The following POU6F2 variants were observed in gnomAD, a reference collection of about 807,000 sequenced individuals.
The protein encoded by POU6F2 is POU domain, class 6, transcription factor 2.
A neutral mutation model predicts 71.3 loss-of-function variants in POU6F2; 31 were observed. That is an observed-to-expected ratio of 0.43 (90% CI 0.33 to 0.59). The LOEUF is 0.59. Ranked by LOEUF, POU6F2 falls within the 20% of genes least tolerant of loss-of-function variation. The pLI, the probability that POU6F2 is intolerant of heterozygous loss-of-function variation, is 0.04. For missense variants in POU6F2, 783 were observed against 856.8 expected (o/e 0.91, Z 1.07); for synonymous variants, 347 against 355.7 (o/e 0.98, Z 0.27).
intron 4 of POU6F2, among the ~76,000 whole-genome samples, chr7:39,224,299 T>C (rs1794421780): frequency 6.6e-6 from 1 of 152,126 alleles, no homozygotes; most frequent in Non-Finnish European, 1.5e-5. Flanking sequence ...GGTAGTACTT[T>C]TCCAACTGCG....
chr7:39,137,973 C>T (rs777786597), intron 2 of POU6F2, among the ~76,000 whole-genome samples: 1 of 152,124 alleles, frequency 6.6e-6, no homozygotes, highest in African/African-American at 2.4e-5. Context: ...AATGTGAGCA[C>T]AAATCTGGTG....
intron 4 of POU6F2, among the ~76,000 whole-genome samples, chr7:39,242,476 C>T (rs148790424): frequency 1.3e-5 from 2 of 151,740 alleles, no homozygotes; most frequent in African/African-American, 4.8e-5. Context: ...TAATGTTGAC[C>T]ATTTTTCTTG....
intron 2 of POU6F2, among the ~76,000 whole-genome samples, chr7:39,108,393 C>G (rs1791737234): frequency 1.3e-5 from 2 of 151,854 alleles, no homozygotes; most frequent in African/African-American, 4.8e-5. Flanking sequence ...TACCAGGGGT[C>G]AACCCTCTTT....
At chr7:39,084,693 C>T (rs1584534479) in intron 1 of POU6F2, among the ~76,000 whole-genome samples, 1 of 152,192 alleles carries the variant, frequency 6.6e-6, no homozygotes, top group Non-Finnish European at 1.5e-5. Flanking sequence ...ATCAAATTCA[C>T]TTTTCAAGCA....
chr7:39,221,159 C>G (rs1794347448), intron 4 of POU6F2, among the ~76,000 whole-genome samples: 1 of 152,082 alleles, frequency 6.6e-6, no homozygotes, highest in Non-Finnish European at 1.5e-5. Context: ...CCTAGAGGAT[C>G]TGCCTATACA....
At chr7:39,246,756 C>T (rs1783827987) in intron 4 of POU6F2, among the ~76,000 whole-genome samples, 1 of 150,966 alleles carries the variant, frequency 6.6e-6, no homozygotes, top group African/African-American at 2.5e-5. Context: ...CTAAGAATCT[C>T]ATTCATGAAC....
intron 2 of POU6F2, among the ~76,000 whole-genome samples, chr7:39,149,967 GC>G (rs1277710526): frequency 1.3e-5 from 2 of 150,372 alleles, no homozygotes; most frequent in African/African-American, 2.5e-5. Context: ...CTCACTGCAA[GC>G]CCCGCCTCCC....
At chr7:39,345,442 AG>A (rs920980880) in intron 5 of POU6F2, among the ~76,000 whole-genome samples, 1 of 152,248 alleles carries the variant, frequency 6.6e-6, no homozygotes, top group African/African-American at 2.4e-5. Flanking sequence ...TTTGCACAGT[AG>A]AAAAACAAAT....
intron 2 of POU6F2, among the ~76,000 whole-genome samples, chr7:39,200,322 G>A (rs73367211): frequency 0.025 from 3,815 of 152,268 alleles, 156 homozygotes; most frequent in African/African-American, 0.088. Flanking sequence ...CCTCATGAGG[G>A]ATATCAACCT....
rs116151504 is a variant in POU6F2, at chr7:39,179,824, C to T, written c.278-24411C>T. On this transcript the variant is annotated intron_variant, in intron 2 of 9. Transcript: ENST00000518318. ...GGAGCTGGGAGGATGAGGTTCTGGC[C>T]CTGACTAGCTGCACGTTATATCACT... 5.8e-3 allele frequency among the ~76,000 whole-genome samples: 888 copies of T among 152,252 alleles called. 11 individuals carry two copies. The highest frequency in any genetic ancestry group is 0.02 in the African/African-American group (831 of 41,538).
At chr7:39,447,045 G>A (rs185102515) in intron 7 of POU6F2, among the ~76,000 whole-genome samples, 27 of 152,258 alleles carry the variant, frequency 1.8e-4, no homozygotes, top group African/African-American at 6.3e-4. Flanking sequence ...ATTATATCAA[G>A]CAAAGAACAA....
intron 4 of POU6F2, among the ~76,000 whole-genome samples, chr7:39,317,301 C>T (rs1273704824): frequency 6.6e-6 from 1 of 152,116 alleles, no homozygotes; most frequent in Non-Finnish European, 1.5e-5. Flanking sequence ...GGGAACTCGC[C>T]GATGGCTTGT....
chr7:39,052,092 G>A (rs547616914), intron 1 of POU6F2, among the ~76,000 whole-genome samples: 3 of 152,200 alleles, frequency 2.0e-5, no homozygotes, highest in Non-Finnish European at 2.9e-5. Flanking sequence ...CATAGCCTAT[G>A]CAACTTTGGA....
rs144939808 is a variant in POU6F2, at chr7:39,339,948, C to A, written c.905C>A (p.Pro302Gln). The A allele has an allele frequency of 2.5e-6, 4 of 1,613,964 alleles. No homozygotes were observed. Among genetic ancestry groups the A allele is most frequent in the East Asian group, 2.2e-5 (1 of 44,882 alleles). The change falls in exon 5 of 10, where the codon CCG becomes CAG. Residue 302 changes from proline (P) to glutamine (Q), a missense_variant. Physicochemically the swap from Pro to Gln is moderately conservative, Grantham distance 76. Coordinates refer to ENST00000518318, the MANE Select transcript of POU6F2 (RefSeq NM_001370959.1). ...PSPTQQSSSPPQKPSQSPGHG... is the reference protein window; with the variant it reads ...PSPTQQSSSPQQKPSQSPGHG... ...CCAACCCAGCAGAGCTCCAGCCCCC[C>A]GCAGAAACCTAGTCAGTCTCCAGGA...
chr7:39,297,182 AACAC>A (rs1271445412), intron 4 of POU6F2, among the ~76,000 whole-genome samples: 13 of 102,346 alleles, frequency 1.3e-4, no homozygotes, highest in Admixed American at 1.1e-3. Flanking sequence ...GGTGTTTACA[AACAC>A]ACATACACAT....
chr7:39,214,513 C>T (rs759202574), intron 4 of POU6F2, among the ~76,000 whole-genome samples: 23 of 152,182 alleles, frequency 1.5e-4, no homozygotes, highest in Admixed American at 8.5e-4. Flanking sequence ...CATTGTGATG[C>T]TTGGGCCTGC....
intron 1 of POU6F2, among the ~76,000 whole-genome samples, chr7:38,996,979 T>A (rs1788759034): frequency 6.6e-6 from 1 of 152,204 alleles, no homozygotes; most frequent in African/African-American, 2.4e-5. Context: ...TTGCCTGAAT[T>A]ATTGACATAA....
intron 1 of POU6F2, among the ~76,000 whole-genome samples, chr7:39,015,837 A>ATTATATATAGATATATATTATATAGGT (rs1436848427): frequency 7.8e-5 from 3 of 38,414 alleles, no homozygotes; most frequent in Non-Finnish European, 1.1e-4. Flanking sequence ...ATAGATATAT[A>ATTATATATAGATATATATTATATAGGT]ATATATTATA....
intron 2 of POU6F2, among the ~76,000 whole-genome samples, chr7:39,200,214 T>G (rs1020726132): frequency 6.6e-6 from 1 of 152,144 alleles, no homozygotes; most frequent in Non-Finnish European, 1.5e-5. Flanking sequence ...CTTGCCTGGG[T>G]AACGTCTAAG....
Sources: gnomAD v4.1 joint callset for allele counts (sites outside exome capture counted in the v4.1 genomes callset) on GRCh38, gnomAD v4.1.1 for gene constraint, MANE v1.5 for transcripts, NCBI Gene and HGNC (gene_info 2026-07-23, HGNC 2026-07-21) for gene names.